The following HERC1 variants were observed in gnomAD, a reference collection of about 807,000 sequenced individuals.
HERC1 encodes probable E3 ubiquitin-protein ligase HERC1.
A neutral mutation model predicts 554.3 loss-of-function variants in HERC1; 160 were observed. The observed-to-expected ratio is 0.29, with a 90% CI of 0.25 to 0.33. HERC1 has a LOEUF of 0.33. HERC1 is among the 10% of genes least tolerant of loss of function. HERC1 has a pLI of 1.00. For synonymous variants in HERC1, 2,175 were observed against 2,131.7 expected, an observed-to-expected ratio of 1.02 and a Z score of -0.56; for missense variants, 4,919 against 5,918.5, an observed-to-expected ratio of 0.83 and a Z score of 5.54.
Position 63,692,584 on chromosome 15 carries a change from G to A in HERC1, c.5675-18C>T. 6.3e-7 allele frequency: 1 copy of A among 1,579,990 alleles called. No individual in the cohort carries two copies. On this transcript the variant is annotated intron_variant, in intron 30 of 77. Transcript: ENST00000443617. The surrounding 1 kb of genome is among the most constrained non-coding windows in gnomAD (Gnocchi z 4.7). ...AAGAGCAGCTACAGTGAAGAGACAAGTTTACGTTACAACCAAGAGCCAACA... is the reference window on the plus strand; with the variant it reads ...AAGAGCAGCTACAGTGAAGAGACAAATTTACGTTACAACCAAGAGCCAACA...
At position 63,642,982 on chromosome 15, in the gene HERC1, A is replaced by G. The variant is rs1204717812; in HGVS notation, c.11408T>C (p.Val3803Ala). 12 of 1,608,570 alleles carry G rather than the reference A, an allele frequency of 7.5e-6. No individual in the cohort carries two copies. The highest frequency in any genetic ancestry group is 9.4e-6 in the Non-Finnish European group (11 of 1,175,268). Residue 3803 changes from valine (V) to alanine (A), a missense_variant, in exon 59 of 78, where the codon GTA becomes GCA. Physicochemically the swap from Val to Ala is moderately conservative, Grantham distance 64. Around this residue, in one of 11 missense-constraint regions of HERC1, gnomAD observed 1,963 missense variants for 2,228.6 expected, o/e 0.88. Coordinates refer to ENST00000443617, the MANE Select transcript of HERC1 (RefSeq NM_003922.4). ...CTTTGATCTATTTGAGCAAGCAGCTACTCCAACTTCTGGAATCCATACTGT... is the reference window on the plus strand; with the variant it reads ...CTTTGATCTATTTGAGCAAGCAGCTGCTCCAACTTCTGGAATCCATACTGT... ...QTTVWIPEVG[V>A]AACSNRSKDV...
chr15:63,638,939 T>C (rs941459387), intron 61 of HERC1, among the ~76,000 whole-genome samples, 163 bp from the exon 62 acceptor site: 3 of 152,242 alleles, frequency 2.0e-5, no homozygotes, highest in Non-Finnish European at 2.9e-5. Context: ...AACTTGATTT[T>C]ATGCACTGTC....
chr15:63,791,692 C>T (rs774570232), intron 1 of HERC1, among the ~76,000 whole-genome samples: 5 of 152,134 alleles, frequency 3.3e-5, no homozygotes, highest in East Asian at 1.9e-4. Context: ...AAAATCAATT[C>T]GATGTCTAAA....
intron 1 of HERC1, among the ~76,000 whole-genome samples, chr15:63,822,423 T>C (rs2077733285): frequency 6.6e-6 from 1 of 151,918 alleles, no homozygotes; most frequent in Admixed American, 6.6e-5. Flanking sequence ...CCATCTCTAC[T>C]AAAAAGACAA....
At chr15:63,829,474 A>G (rs1235102298) in intron 1 of HERC1, among the ~76,000 whole-genome samples, 10 of 36,042 alleles carry the variant, frequency 2.8e-4, no homozygotes, top group African/African-American at 1.1e-3. Context: ...ATATATGTTT[A>G]TATAAATATA....
At chr15:63,648,403 A>C (rs1468874097) in intron 54 of HERC1, among the ~76,000 whole-genome samples, 1 of 152,226 alleles carries the variant, frequency 6.6e-6, no homozygotes, top group African/African-American at 2.4e-5. Context: ...CTTATCTGTG[A>C]CAAGGGCTAC....
chr15:63,833,736 AGCACACACGCGCGCGC>A (rs1355255538), intron 1 of HERC1, 75 bp downstream of exon 1: 1 of 120,478 alleles, frequency 8.3e-6, no homozygotes, highest in Admixed American at 8.8e-5. Context: ...CGGCCGGCAA[AGCACACACGCGCGCGC>A]GCACACACAC....
intron 74 of HERC1, among the ~76,000 whole-genome samples, chr15:63,617,551 A>G (rs1392950508): frequency 2.0e-5 from 3 of 152,168 alleles, no homozygotes; most frequent in Non-Finnish European, 4.4e-5. Flanking sequence ...GTCAAATGGT[A>G]TTTCTAGTTC....
chr15:63,747,138 C>A, intron 11 of HERC1, 55 bp from the exon 12 acceptor site: 1 of 1,502,164 alleles, frequency 6.7e-7, no homozygotes, highest in African/African-American at 1.4e-5. Context: ...CCTGTGCTAT[C>A]CAGTTTGGGT....
At chr15:63,805,257 C>T (rs979051947) in intron 1 of HERC1, among the ~76,000 whole-genome samples, 3 of 151,982 alleles carry the variant, frequency 2.0e-5, no homozygotes, top group Non-Finnish European at 4.4e-5. Flanking sequence ...AAGGAATGAA[C>T]GACTGATTCA....
At chr15:63,757,262 C>CTTTTTTTTTTTTTTTTTT (rs56196711) in intron 4 of HERC1, among the ~76,000 whole-genome samples, 2 of 107,880 alleles carry the variant, frequency 1.9e-5, no homozygotes, top group African/African-American at 3.5e-5. Context: ...TTTTTATTTA[C>CTTTTTTTTTTTTTTTTTT]TTTTTTTTTT....
At chr15:63,761,176 T>C (rs2075598978) in intron 3 of HERC1, among the ~76,000 whole-genome samples, 1 of 152,220 alleles carries the variant, frequency 6.6e-6, no homozygotes, top group African/African-American at 2.4e-5. Flanking sequence ...TTGAGAAATC[T>C]ACTAGAGAAT....
Position 63,612,814 on chromosome 15 carries a change from C to T in HERC1, c.14095-258G>A, listed in dbSNP as rs559863025. ...AAGTCCAATTTAGGAGCCTGCCTTC[C>T]CTCTACCACAAAATCTCAGCCCACT... is the stretch of plus-strand genomic sequence containing the variant. On this transcript the variant is annotated intron_variant, in intron 76 of 77. Coordinates refer to ENST00000443617, the MANE Select transcript of HERC1 (RefSeq NM_003922.4). This position sits in a 1 kb window ranked among gnomAD's most constrained non-coding sequence, Gnocchi z 5.0. Among the ~76,000 whole-genome samples the T allele has an allele frequency of 5.6e-4, 85 of 152,260 alleles. No homozygotes were observed. The highest frequency in any genetic ancestry group is 2.0e-3 in the African/African-American group (83 of 41,546).
rs143442746 is a variant in HERC1, at chr15:63,651,478, G to A, written c.10419-98C>T. 37 of 1,097,838 alleles carry A rather than the reference G, an allele frequency of 3.4e-5. No homozygotes were observed. The African/African-American group carries it at 5.0e-4, about 15-fold the overall frequency. 68.0% of individuals were successfully genotyped at this position (1,097,838 alleles called of 1,614,324 possible). On this transcript the variant is annotated intron_variant, in intron 52 of 77. Coordinates refer to ENST00000443617, the MANE Select transcript of HERC1 (RefSeq NM_003922.4). ...ATAAGGGTTTCATATAGACTAGAGT[G>A]TATAACTGATTCTTCTGTTTCAAAA...
intron 12 of HERC1, among the ~76,000 whole-genome samples, chr15:63,739,085 C>T (rs1296572921): frequency 1.3e-5 from 2 of 151,678 alleles, no homozygotes; most frequent in Admixed American, 1.3e-4. Context: ...GTGCAACCAT[C>T]ACCACTATCC....
Position 63,725,277 on chromosome 15 carries a change from A to C in HERC1, c.3568+15T>G, listed in dbSNP as rs778215924. The C allele has an allele frequency of 6.2e-7, 1 of 1,605,752 alleles. No homozygotes were observed. The highest frequency in any genetic ancestry group is 8.5e-7 in the Non-Finnish European group (1 of 1,173,220). ...AACAGGCATGTATTTTAAATGCTGC[A>C]GAGAAGCACATTACCCAATTGAGGA... On this transcript the variant is annotated intron_variant, in intron 18 of 77. Coordinates refer to ENST00000443617, the MANE Select transcript of HERC1 (RefSeq NM_003922.4).
At chr15:63,829,594 T>TATATATATATATAA (rs1555455841) in intron 1 of HERC1, among the ~76,000 whole-genome samples, 1 of 131,470 alleles carries the variant, frequency 7.6e-6, no homozygotes, top group African/African-American at 2.9e-5. Context: ...TATATATATA[T>TATATATATATATAA]AATATACTGA....
intron 1 of HERC1, among the ~76,000 whole-genome samples, chr15:63,797,374 T>C (rs556079407): frequency 1.3e-5 from 2 of 152,206 alleles, no homozygotes; most frequent in Non-Finnish European, 2.9e-5. Flanking sequence ...CCTCAATTAC[T>C]CTTATAGAGA....
chr15:63,706,030 CAAAAAAAAAA>C (rs35213471), intron 25 of HERC1, among the ~76,000 whole-genome samples: 3 of 46,812 alleles, frequency 6.4e-5, no homozygotes, highest in African/African-American at 2.5e-4. Flanking sequence ...ACCCTGTCTC[CAAAAAAAAAA>C]AAAAAAAAAA....
Sources: gnomAD v4.1 joint callset for allele counts (sites outside exome capture counted in the v4.1 genomes callset) on GRCh38, gnomAD v4.1.1 for gene constraint, gnomAD v4.1.1 regional missense constraint, Gnocchi (gnomAD v3.1) non-coding constraint, MANE v1.5 for transcripts, NCBI Gene and HGNC (gene_info 2026-07-23, HGNC 2026-07-21) for gene names.